Variants in UBA2 observed in about 807,000 individuals in gnomAD.
The protein encoded by UBA2 is ubiquitin like modifier activating enzyme 2.
UBA2 carries 11 observed loss-of-function variants against 77.2 expected under a neutral mutation model. That is an observed-to-expected ratio of 0.14 (90% CI 0.09 to 0.24). The LOEUF (loss-of-function observed/expected upper bound fraction) is 0.24. UBA2 is among the 10% of genes least tolerant of loss of function. The pLI is 1.00. For synonymous variants in UBA2, 278 were observed against 276.7 expected (o/e 1.00, Z -0.05); for missense variants, 487 against 781.7 (o/e 0.62, Z 4.50).
At chr19:34,456,243 T>C (rs183693912) in intron 12 of UBA2, among the ~76,000 whole-genome samples, 7 of 151,306 alleles carry the variant, frequency 4.6e-5, no homozygotes, top group Admixed American at 4.6e-4. Flanking sequence ...GCCTCTCAAG[T>C]AGCTGGGATT....
chr19:34,440,307 CA>C (rs60873964), intron 6 of UBA2, among the ~76,000 whole-genome samples: 3,348 of 90,282 alleles, frequency 0.037, 31 homozygotes, highest in South Asian at 0.042. Flanking sequence ...GATGATGTTT[CA>C]AAAAAAAAAA....
intron 5 of UBA2, 90 bp downstream of exon 5, chr19:34,435,058 A>T (rs1004250622): frequency 1.1e-6 from 1 of 913,140 alleles, no homozygotes; most frequent in Non-Finnish European, 1.7e-6. Flanking sequence ...ATATAAAATG[A>T]ACAGGTGAAC....
chr19:34,436,289 GTTTA>G lies in UBA2; in HGVS notation c.459+1333_459+1336del, dbSNP rs974683592. On this transcript the variant is annotated intron_variant, in intron 5 of 16. Transcript: ENST00000246548. ...GTGCTCATACCTCAGTTTTGTTTTG[GTTTA>G]TTTATTTATTTGTTTATTTTTTTGA... Among the ~76,000 whole-genome samples, 41 of 149,016 alleles carry G rather than the reference GTTTA, an allele frequency of 2.8e-4. No individual in the cohort carries two copies. The East Asian group carries it at 3.9e-3, about 14-fold the overall frequency.
chr19:34,449,714 T>A (rs1276952092), intron 8 of UBA2, among the ~76,000 whole-genome samples: 1 of 152,202 alleles, frequency 6.6e-6, no homozygotes, highest in Non-Finnish European at 1.5e-5. Flanking sequence ...GTTTTTACAT[T>A]TTATTTTTGT....
chr19:34,468,320 C>T (rs1481256118), intron 16 of UBA2, among the ~76,000 whole-genome samples: 1 of 151,964 alleles, frequency 6.6e-6, no homozygotes, highest in Admixed American at 6.6e-5. Context: ...CTGTTTTTTC[C>T]CCCCTCACTG....
At chr19:34,465,341 A>G (rs1044475249) in intron 15 of UBA2, among the ~76,000 whole-genome samples, 2 of 152,200 alleles carry the variant, frequency 1.3e-5, no homozygotes, top group Non-Finnish European at 2.9e-5. Context: ...TAAAAAGCAT[A>G]AAATGACAGG....
At chr19:34,457,613 A>C (rs1428201610) in intron 12 of UBA2, among the ~76,000 whole-genome samples, 1 of 152,124 alleles carries the variant, frequency 6.6e-6, no homozygotes, top group Non-Finnish European at 1.5e-5. Context: ...TGTACGGAGA[A>C]GCTATTTTAC....
chr19:34,428,792 C>G, intron 1 of UBA2: 1 of 1,142,822 alleles, frequency 8.8e-7, no homozygotes, highest in Non-Finnish European at 1.1e-6. Context: ...CTCCGGACGC[C>G]GAGGAGGCCG....
chr19:34,432,540 C>T (rs987908436), intron 3 of UBA2, among the ~76,000 whole-genome samples: 3 of 147,756 alleles, frequency 2.0e-5, no homozygotes, highest in Non-Finnish European at 4.5e-5. Flanking sequence ...TTTCTCAGGG[C>T]ATTTGTATCT....
rs1208791125 is a variant in UBA2 at position 34,470,292 on chromosome 19, A to C, written c.*1071A>C. ...TTCAGAAGATCTCCACTGTTTGCCAAAGACGAGTACTTTCTTTTCTTTATT... is the reference window on the plus strand; with the variant it reads ...TTCAGAAGATCTCCACTGTTTGCCACAGACGAGTACTTTCTTTTCTTTATT... On this transcript the variant is annotated 3_prime_UTR_variant, in exon 17 of 17. Transcript: ENST00000246548. 6.6e-6 allele frequency: 1 copy of C among 152,172 alleles called. No individual in the cohort carries two copies. Among genetic ancestry groups the C allele is most frequent in the Non-Finnish European group, 1.5e-5 (1 of 68,044 alleles). The allele number at this position is 152,172 out of a possible 1,614,324, so 9.4% of individuals were successfully genotyped here.
chr19:34,458,717 GT>G, intron 12 of UBA2, 51 bp from the exon 13 acceptor site: 1 of 1,519,978 alleles, frequency 6.6e-7, no homozygotes, highest in Non-Finnish European at 9.0e-7. Flanking sequence ...ATTGTATGGC[GT>G]ATAAAATTAC....
intron 8 of UBA2, among the ~76,000 whole-genome samples, chr19:34,448,729 G>T (rs2075459216): frequency 1.3e-5 from 2 of 152,298 alleles, no homozygotes; most frequent in South Asian, 4.2e-4. Flanking sequence ...TTGTAGATAA[G>T]TAGAGAGGTT....
intron 12 of UBA2, among the ~76,000 whole-genome samples, chr19:34,458,338 G>A (rs1258131193): frequency 2.6e-5 from 4 of 151,866 alleles, no homozygotes; most frequent in African/African-American, 4.8e-5. Flanking sequence ...GGCGGATCAC[G>A]AGGTCAGGAG....
At chr19:34,434,777 C>A in intron 4 of UBA2, 91 bp from the exon 5 acceptor site, 1 of 914,270 alleles carries the variant, frequency 1.1e-6, no homozygotes, top group Non-Finnish European at 1.7e-6. Context: ...AAAAATGAAG[C>A]CAGTAAGATA....
At chr19:34,431,994 CAA>C (rs1233278624) in intron 3 of UBA2, 63 bp downstream of exon 3, 1 of 1,183,722 alleles carries the variant, frequency 8.4e-7, no homozygotes, top group Non-Finnish European at 1.2e-6. Context: ...TATATAAGCT[CAA>C]AGTCATTCAG....
At chr19:34,431,455 G>C (rs956366491) in intron 2 of UBA2, among the ~76,000 whole-genome samples, 1 of 151,714 alleles carries the variant, frequency 6.6e-6, no homozygotes, top group African/African-American at 2.4e-5. Context: ...AGAGTCTGTA[G>C]TTGAACTTAA....
At chr19:34,438,610 A>G (rs757494147) in intron 5 of UBA2, 35 bp from the exon 6 acceptor site, 2 of 1,610,730 alleles carry the variant, frequency 1.2e-6, no homozygotes, top group Admixed American at 1.7e-5. Flanking sequence ...AACTGCCATC[A>G]TGGAGTAAAT....
At chr19:34,450,242 G>T in intron 8 of UBA2, 23 bp from the exon 9 acceptor site, 1 of 1,543,676 alleles carries the variant, frequency 6.5e-7, no homozygotes, top group South Asian at 1.1e-5. Flanking sequence ...TGGGGTTCAT[G>T]GGATCTGTCT....
intron 6 of UBA2, among the ~76,000 whole-genome samples, chr19:34,440,573 GAAA>G (rs1364289716): frequency 6.6e-6 from 1 of 152,108 alleles, no homozygotes; most frequent in African/African-American, 2.4e-5. Flanking sequence ...TATGGCATAA[GAAA>G]CAATTGCTAG....
Sources: gnomAD v4.1 joint callset for allele counts (sites outside exome capture counted in the v4.1 genomes callset) on GRCh38, gnomAD v4.1.1 for gene constraint, MANE v1.5 for transcripts, NCBI Gene and HGNC (gene_info 2026-07-23, HGNC 2026-07-21) for gene names.